Variants in NELL2 observed in about 807,000 individuals in gnomAD.
NELL2 encodes the protein protein kinase C-binding protein NELL2.
In NELL2, 41 loss-of-function variants were observed where a neutral mutation model predicts 109.6. The observed-to-expected ratio is 0.37, with a 90% CI of 0.29 to 0.49. The LOEUF (loss-of-function observed/expected upper bound fraction) is 0.49, where lower values mean the gene tolerates loss of function less well. NELL2 is among the 20% of genes least tolerant of loss of function. The pLI, the probability that NELL2 is intolerant of heterozygous loss-of-function variation, is 0.98. For missense variants in NELL2, 900 were observed against 1,008.3 expected (o/e 0.89, Z 1.45); for synonymous variants, 355 against 344.7 (o/e 1.03, Z -0.33).
At chr12:44,734,850 A>C (rs963260185) in intron 9 of NELL2, among the ~76,000 whole-genome samples, 2 of 151,998 alleles carry the variant, frequency 1.3e-5, no homozygotes, top group Non-Finnish European at 2.9e-5. Flanking sequence ...ACTATTTATA[A>C]CTAATTTTTT....
At chr12:44,867,441 A>T (rs1253119935) in intron 2 of NELL2, among the ~76,000 whole-genome samples, 2 of 152,242 alleles carry the variant, frequency 1.3e-5, no homozygotes, top group African/African-American at 4.8e-5. Context: ...ATTTCATGAT[A>T]AAAACTCTCA....
At chr12:44,911,120 G>A (rs750331051) in intron 1 of NELL2, among the ~76,000 whole-genome samples, 5 of 152,026 alleles carry the variant, frequency 3.3e-5, no homozygotes, top group African/African-American at 7.2e-5. Context: ...AAATCTGCAC[G>A]TGTACTCCCT....
intron 9 of NELL2, among the ~76,000 whole-genome samples, chr12:44,761,261 G>C (rs1313583620): frequency 6.6e-6 from 1 of 152,120 alleles, no homozygotes; most frequent in Admixed American, 6.5e-5. Flanking sequence ...GGGATTACTT[G>C]GGAGCCTGAG....
chr12:44,908,311 A>G (rs1945742518), intron 1 of NELL2, among the ~76,000 whole-genome samples: 1 of 152,072 alleles, frequency 6.6e-6, no homozygotes, highest in Non-Finnish European at 1.5e-5. Flanking sequence ...GAATTCTTAC[A>G]GTGATTAATC....
rs1409987918 is a variant in NELL2, at chr12:44,818,725, A to ATTTTTTTT, written c.185-2597_185-2590dup. 4.7e-4 allele frequency among the ~76,000 whole-genome samples: 34 copies of ATTTTTTTT among 72,178 alleles called. 7 individuals are homozygous for ATTTTTTTT. Among genetic ancestry groups the ATTTTTTTT allele is most frequent in the Non-Finnish European group, 5.3e-4 (21 of 39,390 alleles). The allele number at this position is 72,178 out of a possible 152,430, so 47.4% of individuals were successfully genotyped here. ...CTGAGAGGCTATATTTTGTTCACTT[A>ATTTTTTTT]TTTTTTTTTTTTTATTTTTTTTTTT... On this transcript the variant is annotated intron_variant, in intron 2 of 19. Transcript: ENST00000429094.
intron 9 of NELL2, among the ~76,000 whole-genome samples, chr12:44,771,650 A>T (rs1420831319): frequency 6.6e-6 from 1 of 152,196 alleles, no homozygotes; most frequent in Non-Finnish European, 1.5e-5. Flanking sequence ...TTAATGGTCC[A>T]GGCAGGAAAT....
At chr12:44,758,737 A>T (rs1487466310) in intron 9 of NELL2, among the ~76,000 whole-genome samples, 1 of 152,182 alleles carries the variant, frequency 6.6e-6, no homozygotes, top group Non-Finnish European at 1.5e-5. Flanking sequence ...GCTGGGTTAG[A>T]ATTTCTTCAG....
chr12:44,891,227 G>A (rs1945530579), intron 1 of NELL2, among the ~76,000 whole-genome samples: 2 of 152,104 alleles, frequency 1.3e-5, no homozygotes, highest in Non-Finnish European at 1.5e-5. Flanking sequence ...AGCTTTTTGA[G>A]TTTACTAGGC....
At chr12:44,607,076 C>G (rs1244317688) in intron 15 of NELL2, 93 bp downstream of exon 15, 1 of 1,066,734 alleles carries the variant, frequency 9.4e-7, no homozygotes, top group Non-Finnish European at 1.3e-6. Flanking sequence ...GCTTTGAGAG[C>G]CCACTTGAAA....
At chr12:44,516,009 T>C (rs1380050723) in intron 19 of NELL2, among the ~76,000 whole-genome samples, 1 of 151,862 alleles carries the variant, frequency 6.6e-6, no homozygotes, top group Non-Finnish European at 1.5e-5. Flanking sequence ...GTTTTCATTA[T>C]TATCATGACC....
intron 2 of NELL2, among the ~76,000 whole-genome samples, chr12:44,871,231 T>C (rs1945151592): frequency 6.6e-6 from 1 of 152,150 alleles, no homozygotes; most frequent in Non-Finnish European, 1.5e-5. Flanking sequence ...CTCCCCTAAC[T>C]AAAATATAGA....
At chr12:44,912,526 T>A (rs1462360146) in intron 1 of NELL2, among the ~76,000 whole-genome samples, 1 of 152,050 alleles carries the variant, frequency 6.6e-6, no homozygotes, top group African/African-American at 2.4e-5. Context: ...AAGGAGAAAA[T>A]CAGAGAACTA....
At chr12:44,626,157 A>G (rs182028585) in intron 13 of NELL2, among the ~76,000 whole-genome samples, 177 of 152,314 alleles carry the variant, frequency 1.2e-3, no homozygotes, top group African/African-American at 3.7e-3. Context: ...CTTATTTCAT[A>G]CAACAAGCAG....
chr12:44,846,592 A>C (rs567616506), intron 2 of NELL2, among the ~76,000 whole-genome samples: 7 of 152,188 alleles, frequency 4.6e-5, no homozygotes, highest in Non-Finnish European at 8.8e-5. Flanking sequence ...AAAAACTTCC[A>C]ATTTTTCTTC....
At chr12:44,913,560 G>A (rs956021271) in intron 1 of NELL2, among the ~76,000 whole-genome samples, 1 of 152,138 alleles carries the variant, frequency 6.6e-6, no homozygotes, top group African/African-American at 2.4e-5. Context: ...TAATTGGGAG[G>A]TCAAGGTAGG....
At chr12:44,587,553 G>A (rs1319036892) in intron 15 of NELL2, among the ~76,000 whole-genome samples, 1 of 151,916 alleles carries the variant, frequency 6.6e-6, no homozygotes, top group Non-Finnish European at 1.5e-5. Flanking sequence ...ATGCTGGGTA[G>A]GATTAATACA....
chr12:44,775,917 TGAG>T, intron 8 of NELL2, 102 bp downstream of exon 8: 1 of 1,342,130 alleles, frequency 7.5e-7, no homozygotes, highest in Non-Finnish European at 1.0e-6. Flanking sequence ...TGTTGTGTCT[TGAG>T]GAAATGGGTC....
Position 44,711,371 on chromosome 12 carries a change from C to G in NELL2, c.1110G>C (p.Glu370Asp), listed in dbSNP as rs1350852289. 1.2e-6 allele frequency: 2 copies of G among 1,612,428 alleles called. No homozygotes were observed. Among genetic ancestry groups the G allele is most frequent in the Non-Finnish European group, 1.7e-6 (2 of 1,178,822 alleles). The change falls in exon 11 of 20, where the codon GAG becomes GAC. Residue 370 changes from glutamate to aspartate, a missense_variant. Physicochemically the swap from Glu to Asp is conservative, Grantham distance 45. Transcript: ENST00000429094. ...AATCCAAAGCTGGACAGCCTGAACT[C>G]TCAACAAGTTTCATGGTCTGGTCCT... Reference protein sequence around the residue: ...ECKDQTMKLVESSGCPALDCP... With the variant: ...ECKDQTMKLVDSSGCPALDCP...
At chr12:44,741,500 C>T (rs947403841) in intron 9 of NELL2, among the ~76,000 whole-genome samples, 6 of 152,298 alleles carry the variant, frequency 3.9e-5, no homozygotes, top group East Asian at 1.9e-4. Context: ...CAAAGCAGGG[C>T]GAGGCATCGC....
Sources: gnomAD v4.1 joint callset for allele counts (sites outside exome capture counted in the v4.1 genomes callset) on GRCh38, gnomAD v4.1.1 for gene constraint, MANE v1.5 for transcripts, NCBI Gene and HGNC (gene_info 2026-07-23, HGNC 2026-07-21) for gene names.